The following MT1B variants were observed in gnomAD, a reference collection of about 807,000 sequenced individuals.
The protein encoded by MT1B is metallothionein 1B.
In MT1B, 4 loss-of-function variants were observed where a neutral mutation model predicts 7.9. That is an observed-to-expected ratio of 0.51 (90% CI 0.25 to 1.16). The LOEUF is 1.16. Ranked by LOEUF, MT1B falls within the 50% of genes most tolerant of loss-of-function variation. The pLI, the probability that MT1B is intolerant of heterozygous loss-of-function variation, is 0.15. For missense variants in MT1B, 76 were observed against 75.2 expected, an observed-to-expected ratio of 1.01 and a Z score of -0.04; for synonymous variants, 22 against 27.6, an observed-to-expected ratio of 0.80 and a Z score of 0.63.
chr16:56,652,961 C>G lies in MT1B; in HGVS notation c.95-13C>G, dbSNP rs756136894. On this transcript the variant is annotated splice_polypyrimidine_tract_variant and intron_variant, in intron 2 of 2. Coordinates refer to ENST00000334346, the MANE Select transcript of MT1B (RefSeq NM_005947.3). Reference sequence around the variant, plus strand: ...AGTCAGCTGTGACCTCTCACTCTCCCCTTCTTCCCCAGGCTGCTGCTCTTG... The same window carrying G: ...AGTCAGCTGTGACCTCTCACTCTCCGCTTCTTCCCCAGGCTGCTGCTCTTG... 2 of 1,612,490 alleles carry G rather than the reference C, an allele frequency of 1.2e-6. No homozygotes were observed. Among genetic ancestry groups the G allele is most frequent in the African/African-American group, 2.7e-5 (2 of 74,870 alleles).
Position 56,652,860 on chromosome 16 carries a change from C to G in MT1B, c.95-114C>G, listed in dbSNP as rs900575464. ...TACCATCAGAACACAGCTGTGCCAG[C>G]CTAAAAATGCATCCTCTGGGTGTGG... On this transcript the variant is annotated intron_variant, in intron 2 of 2. Coordinates refer to ENST00000334346, the MANE Select transcript of MT1B (RefSeq NM_005947.3). 17 of 1,300,418 alleles carry G rather than the reference C, an allele frequency of 1.3e-5. 1 individual carries two copies. The highest frequency in any genetic ancestry group is 1.9e-5 in the Non-Finnish European group (17 of 900,586). 80.6% of individuals were successfully genotyped at this position (1,300,418 alleles called of 1,614,324 possible).
At chr16:56,652,197 C>A (rs1270434923) in intron 1 of MT1B, among the ~76,000 whole-genome samples, 1 of 152,252 alleles carries the variant, frequency 6.6e-6, no homozygotes, top group African/African-American at 2.4e-5. Context: ...CTGTCCTGCT[C>A]CATGTCACCC....
chr16:56,652,963 T>G lies in MT1B; in HGVS notation c.95-11T>G, dbSNP rs1165216449. ...TCAGCTGTGACCTCTCACTCTCCCCTTCTTCCCCAGGCTGCTGCTCTTGCT... is the reference window on the plus strand; with the variant it reads ...TCAGCTGTGACCTCTCACTCTCCCCGTCTTCCCCAGGCTGCTGCTCTTGCT... On this transcript the variant is annotated splice_polypyrimidine_tract_variant and intron_variant, in intron 2 of 2. Transcript: ENST00000334346. 18 of 1,612,548 alleles carry G rather than the reference T, an allele frequency of 1.1e-5. No individual in the cohort carries two copies. Among genetic ancestry groups the G allele is most frequent in the Admixed American group, 1.7e-5 (1 of 59,998 alleles).
At chr16:56,652,408 C>A (rs1253859952) in intron 1 of MT1B, among the ~76,000 whole-genome samples, 163 bp from the exon 2 acceptor site, 2 of 152,162 alleles carry the variant, frequency 1.3e-5, no homozygotes, top group African/African-American at 4.8e-5. Context: ...CCCTTCCCAG[C>A]CTGAGTGGAG....
intron 2 of MT1B, 110 bp downstream of exon 2, chr16:56,652,746 T>C: frequency 1.4e-6 from 2 of 1,404,274 alleles, no homozygotes; most frequent in Non-Finnish European, 2.0e-6. Flanking sequence ...TTTGCCCCTG[T>C]TGGCTGTGTC....
intron 1 of MT1B, 97 bp from the exon 2 acceptor site, chr16:56,652,474 G>T: frequency 8.6e-7 from 1 of 1,168,776 alleles, no homozygotes; most frequent in South Asian, 1.2e-5. Context: ...CTGATGGCTG[G>T]CCCTGCACAG....
At chr16:56,652,762 C>A in intron 2 of MT1B, 126 bp downstream of exon 2, 1 of 1,303,228 alleles carries the variant, frequency 7.7e-7, no homozygotes, top group African/African-American at 1.5e-5. Flanking sequence ...GTGTCATTCC[C>A]TCTCCAGGCT....
chr16:56,652,833 T>G, intron 2 of MT1B, 141 bp from the exon 3 acceptor site: 1 of 1,176,972 alleles, frequency 8.5e-7, no homozygotes, highest in Non-Finnish European at 1.3e-6. Flanking sequence ...AAACCTCAAA[T>G]GTACCATCAG....
At chr16:56,652,224 G>A (rs954733680) in intron 1 of MT1B, among the ~76,000 whole-genome samples, 32 of 152,372 alleles carry the variant, frequency 2.1e-4, no homozygotes, top group Admixed American at 1.6e-3. Context: ...TCAGGGGGCT[G>A]CTGGCTGCGC....
intron 1 of MT1B, among the ~76,000 whole-genome samples, chr16:56,652,254 T>A (rs1258210415): frequency 6.6e-6 from 1 of 152,178 alleles, no homozygotes; most frequent in African/African-American, 2.4e-5. Flanking sequence ...CTGCTCTAAC[T>A]CTGAGCAGCC....
At chr16:56,652,034 A>G in intron 1 of MT1B, 53 bp downstream of exon 1, 5 of 1,607,222 alleles carry the variant, frequency 3.1e-6, no homozygotes, top group Non-Finnish European at 4.3e-6. Context: ...GCCACTGTAC[A>G]CAGTGTCCCT....
At chr16:56,652,042 C>T in intron 1 of MT1B, 61 bp downstream of exon 1, 1 of 1,600,016 alleles carries the variant, frequency 6.2e-7, no homozygotes, top group Non-Finnish European at 8.6e-7. Context: ...ACACAGTGTC[C>T]CTGGGTTAGA....
At chr16:56,652,032 A>G in intron 1 of MT1B, 51 bp downstream of exon 1, 1 of 1,603,220 alleles carries the variant, frequency 6.2e-7, no homozygotes, top group Non-Finnish European at 8.5e-7. Context: ...CGGCCACTGT[A>G]CACAGTGTCC....
intron 2 of MT1B, 92 bp from the exon 3 acceptor site, chr16:56,652,882 G>C: frequency 7.0e-7 from 1 of 1,419,298 alleles, no homozygotes; most frequent in Non-Finnish European, 9.9e-7. Context: ...TCCTCTGGGT[G>C]TGGGGGCTGA....
intron 1 of MT1B, among the ~76,000 whole-genome samples, chr16:56,652,182 C>T (rs569949522): frequency 2.6e-5 from 4 of 152,338 alleles, no homozygotes; most frequent in East Asian, 1.9e-4. Context: ...TTCTGAGGAT[C>T]GAGGCTGTCC....
intron 1 of MT1B, among the ~76,000 whole-genome samples, chr16:56,652,203 C>T (rs1330164504): frequency 6.6e-6 from 1 of 152,258 alleles, no homozygotes; most frequent in Non-Finnish European, 1.5e-5. Context: ...TGCTCCATGT[C>T]ACCCACCTAG....
At position 56,652,466 on chromosome 16, in the gene MT1B, G is replaced by C. The variant is rs1355589941; in HGVS notation, c.29-105G>C. ...CCGCTCTGAGTGGGAAAGGAGCTCT[G>C]ATGGCTGGCCCTGCACAGAGGATGG... On this transcript the variant is annotated intron_variant, in intron 1 of 2. Transcript: ENST00000334346. The C allele has an allele frequency of 5.4e-6, 6 of 1,110,200 alleles. No homozygotes were observed. The African/African-American group carries it at 9.1e-5, about 17-fold the overall frequency. The allele number at this position is 1,110,200 out of a possible 1,614,324, so 68.8% of individuals were successfully genotyped here.
intron 1 of MT1B, 123 bp from the exon 2 acceptor site, chr16:56,652,448 G>C (rs920802798): frequency 2.1e-6 from 2 of 961,706 alleles, no homozygotes; most frequent in South Asian, 1.4e-5. Context: ...CCTCCGCTCT[G>C]AGTGGGAAAG....
Position 56,653,099 on chromosome 16 carries a change from A to T in MT1B, c.*34A>T. ...GAGCCCTGCTCCCAGACATAAATAG[A>T]GCAACCAGTACTAACCTGGATTTTT... On this transcript the variant is annotated 3_prime_UTR_variant, in exon 3 of 3. Coordinates refer to ENST00000334346, the MANE Select transcript of MT1B (RefSeq NM_005947.3). 6.2e-7 allele frequency: 1 copy of T among 1,608,242 alleles called. No individual in the cohort carries two copies. The highest frequency in any genetic ancestry group is 2.2e-5 in the East Asian group (1 of 44,714).
Sources: allele counts gnomAD v4.1 joint callset (sites outside exome capture counted in the v4.1 genomes callset), GRCh38; gene constraint gnomAD v4.1.1; transcripts MANE v1.5; gene names NCBI Gene and HGNC (gene_info 2026-07-23, HGNC 2026-07-21).